Variants in ZBTB7C observed in about 807,000 individuals in gnomAD.
The protein encoded by ZBTB7C is zinc finger and BTB domain containing 7C, also known as zinc finger and BTB domain-containing protein 7C.
In ZBTB7C, 8 loss-of-function variants were observed where a neutral mutation model predicts 25.7. That is an observed-to-expected ratio of 0.31 (90% CI 0.18 to 0.56). The LOEUF is 0.56. Ranked by LOEUF, ZBTB7C falls within the 20% of genes least tolerant of loss-of-function variation. The pLI is 0.91. For missense variants in ZBTB7C, 824 were observed against 855.2 expected, an observed-to-expected ratio of 0.96 and a Z score of 0.46; for synonymous variants, 394 against 369.0, an observed-to-expected ratio of 1.07 and a Z score of -0.78.
chr18:48,332,227 G>A (rs967766995), intron 2 of ZBTB7C, among the ~76,000 whole-genome samples: 2 of 152,176 alleles, frequency 1.3e-5, no homozygotes, highest in East Asian at 3.9e-4. Context: ...AGTCATGTTA[G>A]AGAAAGAAAT....
At chr18:48,095,701 G>A (rs1172088403) in intron 3 of ZBTB7C, among the ~76,000 whole-genome samples, 3 of 136,280 alleles carry the variant, frequency 2.2e-5, no homozygotes, top group African/African-American at 3.0e-5. Context: ...GACAGAGTGA[G>A]TCTCTGTCTC....
chr18:48,278,099 G>A (rs1183969728), intron 2 of ZBTB7C, among the ~76,000 whole-genome samples: 1 of 152,144 alleles, frequency 6.6e-6, no homozygotes, highest in Non-Finnish European at 1.5e-5. Context: ...ATCTGGACTG[G>A]CCATGAGGTT....
intron 3 of ZBTB7C, among the ~76,000 whole-genome samples, chr18:48,057,673 G>A (rs542826339): frequency 1.3e-5 from 2 of 152,236 alleles, no homozygotes; most frequent in African/African-American, 2.4e-5. Flanking sequence ...CTATATTTTC[G>A]TCCTTCTTTT....
At chr18:48,367,649 C>G (rs186338132) in intron 1 of ZBTB7C, among the ~76,000 whole-genome samples, 303 of 152,046 alleles carry the variant, frequency 2.0e-3, no homozygotes, top group African/African-American at 6.7e-3. Flanking sequence ...AGCCAAACAG[C>G]CCAGGAAACA....
intron 2 of ZBTB7C, among the ~76,000 whole-genome samples, chr18:48,229,478 T>C (rs2043193250): frequency 6.6e-6 from 1 of 152,210 alleles, no homozygotes; most frequent in Non-Finnish European, 1.5e-5. Context: ...GAAGCTCTGA[T>C]TCAATCCCCA....
chr18:48,105,577 G>C (rs1198337430), intron 3 of ZBTB7C, among the ~76,000 whole-genome samples: 1 of 152,150 alleles, frequency 6.6e-6, no homozygotes, highest in African/African-American at 2.4e-5. Flanking sequence ...AGGGGGTACT[G>C]CTCCAGGGAG....
At chr18:48,286,822 C>T (rs973519486) in intron 2 of ZBTB7C, among the ~76,000 whole-genome samples, 9 of 151,860 alleles carry the variant, frequency 5.9e-5, no homozygotes, top group Non-Finnish European at 1.2e-4. Flanking sequence ...GAGGCTAAGG[C>T]AGGGGGATCA....
At chr18:48,172,564 C>T (rs924771448) in intron 3 of ZBTB7C, among the ~76,000 whole-genome samples, 3 of 152,138 alleles carry the variant, frequency 2.0e-5, no homozygotes, top group Admixed American at 6.5e-5. Context: ...CTCTGAAGGA[C>T]GCACCCGCCA....
intron 2 of ZBTB7C, among the ~76,000 whole-genome samples, chr18:48,262,979 C>T (rs2044213381): frequency 6.6e-6 from 1 of 152,240 alleles, no homozygotes; most frequent in Non-Finnish European, 1.5e-5. Context: ...AGAATGCCTT[C>T]TGTGCCCACT....
At chr18:48,215,347 A>G (rs2042798093) in intron 2 of ZBTB7C, among the ~76,000 whole-genome samples, 1 of 152,220 alleles carries the variant, frequency 6.6e-6, no homozygotes, top group Non-Finnish European at 1.5e-5. Context: ...GACACAGCCC[A>G]TGACACAGCC....
In ZBTB7C at chr18:48,029,128, A is replaced by G; in HGVS notation, c.*132T>C. The G allele has an allele frequency of 1.6e-6, 2 of 1,219,556 alleles. No individual in the cohort carries two copies. Among genetic ancestry groups the G allele is most frequent in the Non-Finnish European group, 2.2e-6 (2 of 913,310 alleles). The allele number at this position is 1,219,556 out of a possible 1,614,324, so 75.5% of individuals were successfully genotyped here. ...AGCCCGGGAAAATGCCATCACTGAT[A>G]GTATTATTATTATTTTCCCATTTTC... On this transcript the variant is annotated 3_prime_UTR_variant, in exon 5 of 5. Transcript: ENST00000590800.
chr18:48,409,350 CAG>C lies in ZBTB7C; in HGVS notation c.-430_-429del, dbSNP rs1291639792. 1 of 148,408 alleles carries C rather than the reference CAG, an allele frequency of 6.7e-6. No homozygotes were observed. The highest frequency in any genetic ancestry group is 1.5e-5 in the Non-Finnish European group (1 of 66,598). 9.2% of individuals were successfully genotyped at this position (148,408 alleles called of 1,614,324 possible). A position where few individuals can be genotyped will look rare whatever the true frequency, so the allele number is the denominator to read the frequency against. Reference sequence around the variant, plus strand: ...CGAGCCTCGCCGGCCGCGCCGCTGTCAGAGTCTCGTGGCGGGGCTGCGCCGGC... The same window carrying C: ...CGAGCCTCGCCGGCCGCGCCGCTGTCAGTCTCGTGGCGGGGCTGCGCCGGC... On this transcript the variant is annotated 5_prime_UTR_variant, in exon 1 of 5. Coordinates refer to ENST00000590800, the MANE Select transcript of ZBTB7C (RefSeq NM_001318841.2).
intron 1 of ZBTB7C, among the ~76,000 whole-genome samples, chr18:48,407,904 C>A (rs1174224383): frequency 1.3e-5 from 2 of 152,150 alleles, no homozygotes; most frequent in East Asian, 3.9e-4. Context: ...CCAGGACGAC[C>A]TACCGAGGTG....
intron 2 of ZBTB7C, among the ~76,000 whole-genome samples, chr18:48,192,170 T>C (rs1433754671): frequency 6.6e-6 from 1 of 152,122 alleles, no homozygotes; most frequent in Non-Finnish European, 1.5e-5. Flanking sequence ...TAAATTCATA[T>C]TACTAAAAAA....
intron 1 of ZBTB7C, among the ~76,000 whole-genome samples, chr18:48,366,862 T>A (rs1395151947): frequency 6.6e-6 from 1 of 152,072 alleles, no homozygotes; most frequent in Non-Finnish European, 1.5e-5. Context: ...ACCATATATG[T>A]GAAAGGGCAC....
intron 4 of ZBTB7C, among the ~76,000 whole-genome samples, chr18:48,034,667 G>A (rs1225762320): frequency 2.0e-5 from 3 of 152,178 alleles, no homozygotes; most frequent in African/African-American, 7.2e-5. Flanking sequence ...TTTGGTGACT[G>A]ACTAGTGGTG....
At chr18:48,319,941 G>A (rs76936173) in intron 2 of ZBTB7C, among the ~76,000 whole-genome samples, 11 of 152,238 alleles carry the variant, frequency 7.2e-5, no homozygotes, top group Non-Finnish European at 1.5e-4. Flanking sequence ...AACTGTCTGG[G>A]CCGTGGGTTT....
rs144623842 is a variant in ZBTB7C at position 48,128,501 on chromosome 18, A to G, written c.-17+57433T>C. On this transcript the variant is annotated intron_variant, in intron 3 of 4. Transcript: ENST00000590800. ...TGGATAAAGAAAATGTGGCATACAT[A>G]CACCATGGAGTACTACTCAGCCACA... 8.6e-3 allele frequency among the ~76,000 whole-genome samples: 1,316 copies of G among 152,378 alleles called. 17 individuals carry two copies. Among genetic ancestry groups the G allele is most frequent in the African/African-American group, 0.03 (1,265 of 41,578 alleles).
intron 3 of ZBTB7C, among the ~76,000 whole-genome samples, chr18:48,158,872 C>A (rs926167607): frequency 6.6e-6 from 1 of 152,110 alleles, no homozygotes; most frequent in Non-Finnish European, 1.5e-5. Context: ...AGCATGAAGC[C>A]GCTGGGGGAA....
Sources: gnomAD v4.1 joint callset for allele counts (sites outside exome capture counted in the v4.1 genomes callset) on GRCh38, gnomAD v4.1.1 for gene constraint, MANE v1.5 for transcripts, NCBI Gene and HGNC (gene_info 2026-07-23, HGNC 2026-07-21) for gene names.